Variants in ADAM9 observed in about 807,000 individuals in gnomAD.
ADAM9 encodes the protein disintegrin and metalloproteinase domain-containing protein 9.
A neutral mutation model predicts 108.1 loss-of-function variants in ADAM9; 54 were observed. The ratio of observed to expected loss-of-function variants is 0.50; its 90% CI spans 0.40 to 0.63. The LOEUF (loss-of-function observed/expected upper bound fraction) is 0.63, where lower values mean the gene tolerates loss of function less well. ADAM9 is among the 20% of genes least tolerant of loss of function. The probability of loss-of-function intolerance (pLI) is 0.00; values close to 1 mark genes in which losing one functional copy is unlikely to be tolerated. For missense variants in ADAM9, 830 were observed against 997.7 expected, an observed-to-expected ratio of 0.83 and a Z score of 2.26; for synonymous variants, 316 against 336.0, an observed-to-expected ratio of 0.94 and a Z score of 0.65.
chr8:39,045,441 T>TGC (rs1837714015), intron 12 of ADAM9, among the ~76,000 whole-genome samples: 1 of 148,112 alleles, frequency 6.8e-6, no homozygotes, highest in East Asian at 2.0e-4. Context: ...TATGTGCGCG[T>TGC]GTGTACACAC....
chr8:39,049,405 T>C (rs1837879457), intron 12 of ADAM9, among the ~76,000 whole-genome samples: 1 of 152,036 alleles, frequency 6.6e-6, no homozygotes, highest in Non-Finnish European at 1.5e-5. Flanking sequence ...GTTTACAATC[T>C]ATTAATATTG....
intron 12 of ADAM9, among the ~76,000 whole-genome samples, chr8:39,042,333 A>G (rs1156887062): frequency 6.6e-6 from 1 of 152,142 alleles, no homozygotes; most frequent in East Asian, 1.9e-4. Flanking sequence ...AAGTCAGGGA[A>G]TGTGCCATGT....
intron 20 of ADAM9, among the ~76,000 whole-genome samples, chr8:39,098,814 A>G (rs568173429): frequency 6.6e-6 from 1 of 151,812 alleles, no homozygotes; most frequent in South Asian, 2.1e-4. Context: ...TTGATTGTAA[A>G]CTCACCTTCT....
At chr8:39,021,001 A>C (rs940254417) in intron 7 of ADAM9, among the ~76,000 whole-genome samples, 2 of 152,230 alleles carry the variant, frequency 1.3e-5, no homozygotes, top group Non-Finnish European at 2.9e-5. Flanking sequence ...GATTGCTTAA[A>C]ACTCTACCTT....
chr8:39,009,558 A>G (rs1836277004), intron 2 of ADAM9, among the ~76,000 whole-genome samples: 1 of 152,206 alleles, frequency 6.6e-6, no homozygotes, highest in Non-Finnish European at 1.5e-5. Context: ...AGTCAATGGT[A>G]GACTTTCAGC....
chr8:39,014,129 T>C (rs1564237703), intron 4 of ADAM9, 86 bp downstream of exon 4: 1 of 1,050,612 alleles, frequency 9.5e-7, no homozygotes. Flanking sequence ...TCAGGACTGT[T>C]ACATTGCACA....
chr8:39,049,202 T>C (rs1299195903), intron 12 of ADAM9, among the ~76,000 whole-genome samples: 1 of 151,984 alleles, frequency 6.6e-6, no homozygotes, highest in African/African-American at 2.4e-5. Context: ...GTGTTGATAA[T>C]TCTTTTATCC....
intron 11 of ADAM9, among the ~76,000 whole-genome samples, chr8:39,027,673 G>A (rs940170667): frequency 1.8e-4 from 28 of 152,304 alleles, no homozygotes; most frequent in Middle Eastern, 6.8e-3. Context: ...ATGCCAACGA[G>A]GTTCCTTCCT....
chr8:39,068,002 C>G (rs946437542), intron 14 of ADAM9, among the ~76,000 whole-genome samples: 3 of 152,204 alleles, frequency 2.0e-5, no homozygotes, highest in African/African-American at 7.2e-5. Flanking sequence ...GTTGAGATAA[C>G]CATGTGGTTT....
intron 10 of ADAM9, among the ~76,000 whole-genome samples, chr8:39,026,425 A>C (rs1836923872): frequency 6.6e-6 from 1 of 152,190 alleles, no homozygotes; most frequent in Non-Finnish European, 1.5e-5. Flanking sequence ...TTTCCTATAA[A>C]CTACCATAAG....
chr8:39,077,316 C>A lies in ADAM9; in HGVS notation c.1786C>A (p.Arg596=). Residue 596 remains arginine, a synonymous_variant, in exon 16 of 22, where the codon CGA becomes AGA. Transcript: ENST00000487273. ...GCCTGCTATTATTCAAACGCCTAGT[C>A]GAGGCACCAAATGTTGGGGTGTGGA... ...IVPAIIQTPS[R]GTKCWGVDFQ... is the part of the protein sequence containing the mutation. 1 of 1,613,994 alleles carries A rather than the reference C, an allele frequency of 6.2e-7. No homozygotes were observed. The highest frequency in any genetic ancestry group is 8.5e-7 in the Non-Finnish European group (1 of 1,179,980).
chr8:39,092,331 TAC>T (rs71552833), intron 20 of ADAM9, among the ~76,000 whole-genome samples: 12,661 of 148,526 alleles, frequency 0.085, 810 homozygotes, highest in African/African-American at 0.18. Flanking sequence ...AATATATTTA[TAC>T]ACACACACAC....
intron 19 of ADAM9, among the ~76,000 whole-genome samples, chr8:39,090,485 A>G (rs1285304406): frequency 6.6e-6 from 1 of 152,194 alleles, no homozygotes; most frequent in Non-Finnish European, 1.5e-5. Flanking sequence ...AATAATTTAT[A>G]AAGTATTAAT....
rs149453601 is a variant in ADAM9 at position 39,016,875 on chromosome 8, C to T, written c.411-344C>T. Among the ~76,000 whole-genome samples, 150 of 152,326 alleles carry T rather than the reference C, an allele frequency of 9.8e-4. No homozygotes were observed. In the Middle Eastern group the frequency reaches 0.017, roughly 17 times the overall value. On this transcript the variant is annotated intron_variant, in intron 5 of 21. Transcript: ENST00000487273. ...AAACCAAGGCAGAGGTTAAATACCTCGCTGAGAGTCCTGCAGCTAGTAGAA... is the reference window on the plus strand; with the variant it reads ...AAACCAAGGCAGAGGTTAAATACCTTGCTGAGAGTCCTGCAGCTAGTAGAA...
At chr8:39,075,187 G>A (rs150330549) in intron 15 of ADAM9, among the ~76,000 whole-genome samples, 1 of 151,986 alleles carries the variant, frequency 6.6e-6, no homozygotes, top group African/African-American at 2.4e-5. Flanking sequence ...GATTACAGGC[G>A]TGAGCCACCG....
intron 14 of ADAM9, among the ~76,000 whole-genome samples, chr8:39,064,704 T>G (rs1838401785): frequency 6.6e-6 from 1 of 152,216 alleles, no homozygotes; most frequent in Admixed American, 6.5e-5. Context: ...GTTTATTTCC[T>G]CCTTTCATGG....
intron 14 of ADAM9, 106 bp downstream of exon 14, chr8:39,055,878 G>T: frequency 1.7e-6 from 2 of 1,150,116 alleles, no homozygotes; most frequent in Admixed American, 4.5e-5. Context: ...AGGCTCTCTT[G>T]TTTCTCATCG....
At chr8:39,066,118 C>A (rs1031360032) in intron 14 of ADAM9, among the ~76,000 whole-genome samples, 1 of 152,156 alleles carries the variant, frequency 6.6e-6, no homozygotes, top group Non-Finnish European at 1.5e-5. Context: ...TCCATGGTGT[C>A]TATGTGCCAC....
chr8:39,010,629 A>G (rs990267319), intron 2 of ADAM9, among the ~76,000 whole-genome samples: 2 of 152,192 alleles, frequency 1.3e-5, no homozygotes, highest in African/African-American at 4.8e-5. Flanking sequence ...AGATCACGTT[A>G]AGCACTTGTG....
Sources: allele counts gnomAD v4.1 joint callset (sites outside exome capture counted in the v4.1 genomes callset), GRCh38; gene constraint gnomAD v4.1.1; transcripts MANE v1.5; gene names NCBI Gene and HGNC (gene_info 2026-07-23, HGNC 2026-07-21).